Variants in ASGR1 observed in about 807,000 individuals in gnomAD.
The protein encoded by ASGR1 is asialoglycoprotein receptor 1.
In ASGR1, 35 loss-of-function variants were observed where a neutral mutation model predicts 33.1. The observed-to-expected ratio is 1.06, with a 90% confidence interval of 0.81 to 1.40. The LOEUF (loss-of-function observed/expected upper bound fraction) is 1.40. Ranked by LOEUF, ASGR1 falls within the 40% of genes most tolerant of loss-of-function variation. The probability of loss-of-function intolerance (pLI) is 0.00; values close to 1 mark genes in which losing one functional copy is unlikely to be tolerated. For synonymous variants in ASGR1, 142 were observed against 152.5 expected (o/e 0.93, Z 0.51); for missense variants, 396 against 373.7 (o/e 1.06, Z -0.49).
chr17:7,176,231 ACT>A (rs1372562110), intron 5 of ASGR1, among the ~76,000 whole-genome samples: 2 of 119,444 alleles, frequency 1.7e-5, no homozygotes, highest in African/African-American at 9.0e-5. Context: ...ACACACACAC[ACT>A]CACAGACACA....
chr17:7,175,672 GACTC>G (rs2069190176), intron 5 of ASGR1, among the ~76,000 whole-genome samples: 2 of 141,154 alleles, frequency 1.4e-5, no homozygotes, highest in African/African-American at 5.3e-5. Flanking sequence ...CATAAACACA[GACTC>G]ACATTCGCAC....
chr17:7,174,686 CTA>C (rs1432963677), intron 5 of ASGR1, among the ~76,000 whole-genome samples: 1 of 147,944 alleles, frequency 6.8e-6, no homozygotes, highest in East Asian at 2.0e-4. Context: ...ACAACACATC[CTA>C]ACACACACAC....
chr17:7,178,129 C>G, intron 2 of ASGR1: 1 of 306,830 alleles, frequency 3.3e-6, no homozygotes, highest in Non-Finnish European at 6.3e-6. Flanking sequence ...CACACGCACA[C>G]GCTCGCACGA....
Position 7,174,218 on chromosome 17 carries a change from C to G in ASGR1, c.514G>C (p.Gly172Arg), listed in dbSNP as rs1360226145. ...TTGTCGGCGTCAGCCCAGGCCTTCCCGGAGCGAGAGAACCAGTAGCAGCTG... is the reference window on the plus strand; with the variant it reads ...TTGTCGGCGTCAGCCCAGGCCTTCCGGGAGCGAGAGAACCAGTAGCAGCTG... Reference protein sequence around the residue: ...ERSCYWFSRSGKAWADADNYC... With the variant: ...ERSCYWFSRSRKAWADADNYC... The change falls in exon 7 of 9, where the codon GGG becomes CGG. Residue 172 changes from glycine to arginine, a missense_variant. Coordinates refer to ENST00000269299, the MANE Select transcript of ASGR1 (RefSeq NM_001671.5). 1.9e-6 allele frequency: 3 copies of G among 1,614,102 alleles called. No homozygotes were observed. Among genetic ancestry groups the G allele is most frequent in the East Asian group, 2.2e-5 (1 of 44,904 alleles).
chr17:7,173,475 T>C lies in ASGR1; in HGVS notation c.*184A>G, dbSNP rs1040327121. On this transcript the variant is annotated 3_prime_UTR_variant, in exon 9 of 9. Coordinates refer to ENST00000269299, the MANE Select transcript of ASGR1 (RefSeq NM_001671.5). The surrounding 1 kb of genome is among the most constrained non-coding windows in gnomAD (Gnocchi z 4.7). ...ACTCTTAAAAAAAAAAAGTTCACAA[T>C]GATAACCTGCAAACTGCAGAAAGCG... is the stretch of plus-strand genomic sequence containing the variant. 1 of 764,468 alleles carries C rather than the reference T, an allele frequency of 1.3e-6. No homozygotes were observed. Among genetic ancestry groups the C allele is most frequent in the African/African-American group, 1.8e-5 (1 of 56,032 alleles). 47.4% of individuals were successfully genotyped at this position (764,468 alleles called of 1,614,324 possible).
rs200071868 is a variant in ASGR1, at chr17:7,176,913, G to T, written c.284-12C>A. The stretch of plus-strand genomic sequence containing the variant: ...TCCCACATTGCCTCCTGCGGGAGAG[G>T]CTCGCTCAGCGTTCCCGACAGCCCC... On this transcript the variant is annotated splice_polypyrimidine_tract_variant and intron_variant, in intron 4 of 8. Coordinates refer to ENST00000269299, the MANE Select transcript of ASGR1 (RefSeq NM_001671.5). The T allele has an allele frequency of 2.5e-6, 4 of 1,611,822 alleles. No homozygotes were observed. Among genetic ancestry groups the T allele is most frequent in the South Asian group, 1.1e-5 (1 of 91,050 alleles).
At chr17:7,177,686 C>T (rs1328415623) in intron 2 of ASGR1, 7 of 239,192 alleles carry the variant, frequency 2.9e-5, no homozygotes, top group Non-Finnish European at 5.7e-5. Flanking sequence ...GCTGCTTCCC[C>T]TGAAAGTGGG....
Position 7,173,778 on chromosome 17 carries a change from C to A in ASGR1, c.757G>T (p.Glu253Ter). The A allele has an allele frequency of 6.2e-7, 1 of 1,613,084 alleles. No individual in the cohort carries two copies. Among genetic ancestry groups the A allele is most frequent in the Non-Finnish European group, 8.5e-7 (1 of 1,179,976 alleles). ...DWYGHGLGGGEDCAHFTDDGR... is the reference protein window; with the variant it reads ...DWYGHGLGGG ...TCGTCGGTGAAGTGGGCACAGTCCT[C>A]GCCTCCTCCGAGCCCGTGGCCGTAC... Residue 253 changes from glutamate to a stop codon, truncating the protein, a stop_gained, in exon 9 of 9, where the codon GAG (glutamate) becomes TAG (stop). Coordinates refer to ENST00000269299, the MANE Select transcript of ASGR1 (RefSeq NM_001671.5). LOFTEE classifies it low-confidence loss of function (END_TRUNC). This position sits in a 1 kb window ranked among gnomAD's most constrained non-coding sequence, Gnocchi z 4.7.
chr17:7,173,921 A>C lies in ASGR1; in HGVS notation c.701+40T>G, dbSNP rs2069163400. The C allele has an allele frequency of 6.2e-7, 1 of 1,612,630 alleles. No individual in the cohort carries two copies. On this transcript the variant is annotated intron_variant, in intron 8 of 8. Coordinates refer to ENST00000269299, the MANE Select transcript of ASGR1 (RefSeq NM_001671.5). The surrounding 1 kb of genome is among the most constrained non-coding windows in gnomAD (Gnocchi z 4.7). ...CCTCAGCCCAGGGCCCCAGGGCGCG[A>C]AGGCGGCCGGACCCAGGCCGAGGGA...
At chr17:7,175,703 T>G (rs1249309661) in intron 5 of ASGR1, among the ~76,000 whole-genome samples, 1 of 141,138 alleles carries the variant, frequency 7.1e-6, no homozygotes, top group Non-Finnish European at 1.5e-5. Context: ...CCACACTCCC[T>G]CATTCTCACA....
At chr17:7,176,531 A>ACACACT (rs1186740553) in intron 5 of ASGR1, 123 of 519,496 alleles carry the variant, frequency 2.4e-4, no homozygotes, top group African/African-American at 2.3e-3. Context: ...TCATTCCCAC[A>ACACACT]CACACACCAT....
chr17:7,176,353 GAC>G lies in ASGR1; in HGVS notation c.355+475_355+476del, dbSNP rs140200784. Among the ~76,000 whole-genome samples, 741 of 123,366 alleles carry G rather than the reference GAC, an allele frequency of 6.0e-3. 13 individuals are homozygous for G. Among genetic ancestry groups the G allele is most frequent in the Admixed American group, 0.04 (491 of 12,344 alleles). The allele number at this position is 123,366 out of a possible 152,430, so 80.9% of individuals were successfully genotyped here. On this transcript the variant is annotated intron_variant, in intron 5 of 8. Transcript: ENST00000269299. ...TCATTCTCACACTCTCACACTCACA[GAC>G]ACACACACCCCATCTCATTCTTACA...
At chr17:7,176,682 C>T (rs2069216890) in intron 5 of ASGR1, 148 bp downstream of exon 5, 2 of 1,174,180 alleles carry the variant, frequency 1.7e-6, no homozygotes, top group African/African-American at 1.6e-5. Context: ...AAACACACTC[C>T]CCCTCATTCT....
At chr17:7,178,724 CTTTT>C in intron 1 of ASGR1, 136 bp from the exon 2 acceptor site, 1 of 427,438 alleles carries the variant, frequency 2.3e-6, no homozygotes, top group Non-Finnish European at 3.9e-6. Context: ...TTTTCTTTTT[CTTTT>C]TTTTCTTTTC....
Position 7,174,249 on chromosome 17 carries a change from G to C in ASGR1, c.483C>G (p.His161Gln), listed in dbSNP as rs1176161814. The C allele has an allele frequency of 1.9e-6, 3 of 1,614,160 alleles. No individual in the cohort carries two copies. Among genetic ancestry groups the C allele is most frequent in the East Asian group, 2.2e-5 (1 of 44,888 alleles). Residue 161 changes from histidine (H) to glutamine (Q), a missense_variant, in exon 7 of 9, where the codon CAC becomes CAG. By Grantham distance (24) the His-to-Gln change is conservative. Coordinates refer to ENST00000269299, the MANE Select transcript of ASGR1 (RefSeq NM_001671.5). The part of the protein sequence containing the change: ...RTCCPVNWVE[H>Q]ERSCYWFSRS... The stretch of plus-strand genomic sequence containing the variant: ...GAGAGAACCAGTAGCAGCTGCGCTC[G>C]TGCTCCACCCAGTTGACCGGGCAGC...
At chr17:7,178,392 CAG>C (rs763099208) in intron 2 of ASGR1, 100 bp downstream of exon 2, 4 of 1,242,800 alleles carry the variant, frequency 3.2e-6, no homozygotes, top group African/African-American at 1.5e-5. Flanking sequence ...GAGACAGACC[CAG>C]AGAGAGAGCC....
In ASGR1 at chr17:7,179,297, A is replaced by T. The variant is rs2069250146; in HGVS notation, c.-133T>A. The T allele has an allele frequency of 6.6e-6, 1 of 152,592 alleles. No homozygotes were observed. Among genetic ancestry groups the T allele is most frequent in the East Asian group, 1.9e-4 (1 of 5,176 alleles). 9.5% of individuals were successfully genotyped at this position (152,592 alleles called of 1,614,324 possible). A position where few individuals can be genotyped will look rare whatever the true frequency, so the allele number is the denominator to read the frequency against. On this transcript the variant is annotated 5_prime_UTR_variant, in exon 1 of 9. Transcript: ENST00000269299. ...AATGGGGGTGGGCGGACAGCCGTGGACAATGGGAGGGGAGCGGGCAGGGTC... is the reference window on the plus strand; with the variant it reads ...AATGGGGGTGGGCGGACAGCCGTGGTCAATGGGAGGGGAGCGGGCAGGGTC...
At chr17:7,175,444 C>T (rs1341910663) in intron 5 of ASGR1, among the ~76,000 whole-genome samples, 1 of 150,302 alleles carries the variant, frequency 6.7e-6, no homozygotes, top group African/African-American at 2.5e-5. Flanking sequence ...CACATTCACA[C>T]AACGCACACC....
intron 5 of ASGR1, among the ~76,000 whole-genome samples, chr17:7,175,028 CACACAACACACCAT>C (rs1345656271): frequency 2.7e-5 from 4 of 149,788 alleles, no homozygotes; most frequent in African/African-American, 9.9e-5. Flanking sequence ...TCACACAACA[CACACAACACACCAT>C]ACACAACACA....
Sources: gnomAD v4.1 joint callset for allele counts (sites outside exome capture counted in the v4.1 genomes callset) on GRCh38, gnomAD v4.1.1 for gene constraint, Gnocchi (gnomAD v3.1) non-coding constraint, MANE v1.5 for transcripts, NCBI Gene and HGNC (gene_info 2026-07-23, HGNC 2026-07-21) for gene names.